Variants in PCNP observed in about 807,000 individuals in gnomAD.
PCNP encodes PEST proteolytic signal-containing nuclear protein.
PCNP carries 6 observed loss-of-function variants against 21.8 expected under a neutral mutation model. That is an observed-to-expected ratio of 0.28 (90% CI 0.15 to 0.54). The LOEUF (loss-of-function observed/expected upper bound fraction) is 0.54, where lower values mean the gene tolerates loss of function less well. Among genes scored for constraint, PCNP ranks in the 20% least tolerant of loss-of-function variants. The pLI, the probability that PCNP is intolerant of heterozygous loss-of-function variation, is 0.95. For synonymous variants in PCNP, 67 were observed against 73.2 expected (o/e 0.92, Z 0.43); for missense variants, 161 against 215.5 (o/e 0.75, Z 1.58).
chr3:101,575,496 C>A (rs1167300065), intron 1 of PCNP, among the ~76,000 whole-genome samples: 2 of 146,050 alleles, frequency 1.4e-5, no homozygotes, highest in Non-Finnish European at 3.0e-5. Flanking sequence ...TTTTTTATAA[C>A]TAGTAAAATA....
intron 4 of PCNP, among the ~76,000 whole-genome samples, chr3:101,592,140 GTTTT>G (rs1273332810): frequency 6.6e-6 from 1 of 151,218 alleles, no homozygotes; most frequent in Non-Finnish European, 1.5e-5. Context: ...AGTGTTTTTT[GTTTT>G]TTGTTTTTTT....
rs2108296286 is a variant in PCNP at position 101,593,208 on chromosome 3, C to G, written c.*455C>G. On this transcript the variant is annotated 3_prime_UTR_variant, in exon 5 of 5. Transcript: ENST00000265260. Reference sequence around the variant, plus strand: ...GTATTGGGAAGAAAATGTTACTGAACTATTGACTGAAAGTAAATTTAGATA... The same window carrying G: ...GTATTGGGAAGAAAATGTTACTGAAGTATTGACTGAAAGTAAATTTAGATA... The G allele has an allele frequency of 6.5e-6, 1 of 152,776 alleles. No individual in the cohort carries two copies. Among genetic ancestry groups the G allele is most frequent in the Admixed American group, 6.5e-5 (1 of 15,288 alleles). 9.5% of individuals were successfully genotyped at this position (152,776 alleles called of 1,614,324 possible).
intron 2 of PCNP, among the ~76,000 whole-genome samples, chr3:101,581,046 A>G (rs933823120): frequency 6.6e-6 from 1 of 152,234 alleles, no homozygotes; most frequent in Non-Finnish European, 1.5e-5. Context: ...GGTCTGGAGC[A>G]GTCAGTATAT....
intron 2 of PCNP, among the ~76,000 whole-genome samples, chr3:101,584,759 T>A (rs923423078): frequency 1.3e-5 from 2 of 152,030 alleles, no homozygotes; most frequent in African/African-American, 4.8e-5. Flanking sequence ...AGAGAGCACC[T>A]TGGGAGGCTG....
intron 2 of PCNP, among the ~76,000 whole-genome samples, chr3:101,580,237 T>C (rs1487932714): frequency 6.6e-6 from 1 of 152,136 alleles, no homozygotes; most frequent in Non-Finnish European, 1.5e-5. Flanking sequence ...ACAACTATTA[T>C]AGGGAATATG....
chr3:101,590,952 G>A (rs114687088), intron 4 of PCNP, among the ~76,000 whole-genome samples: 8,697 of 150,674 alleles, frequency 0.058, 287 homozygotes, highest in Middle Eastern at 0.13. Flanking sequence ...AAAAAAATTT[G>A]TAAGTAGAGA....
intron 4 of PCNP, 86 bp from the exon 5 acceptor site, chr3:101,592,541 A>T: frequency 1.8e-6 from 2 of 1,110,080 alleles, no homozygotes; most frequent in South Asian, 1.6e-5. Flanking sequence ...AATAGGTGCT[A>T]AACAAACATG....
At chr3:101,587,364 G>A (rs57768297) in intron 3 of PCNP, among the ~76,000 whole-genome samples, 3,333 of 152,022 alleles carry the variant, frequency 0.022, 120 homozygotes, top group African/African-American at 0.077. Flanking sequence ...GGAATTTTGA[G>A]CAAGGGTAAA....
intron 2 of PCNP, 64 bp downstream of exon 2, chr3:101,580,068 C>T (rs149859903): frequency 5.2e-6 from 6 of 1,158,266 alleles, no homozygotes; most frequent in Admixed American, 1.7e-5. Flanking sequence ...GGAAACGTGG[C>T]GTTTACTAGG....
chr3:101,590,766 C>A (rs1337715635), intron 4 of PCNP, among the ~76,000 whole-genome samples: 1 of 152,078 alleles, frequency 6.6e-6, no homozygotes, highest in Admixed American at 6.6e-5. Flanking sequence ...CCAGGCTGGT[C>A]TGTAACTCCT....
intron 1 of PCNP, chr3:101,579,493 C>A: frequency 1.9e-6 from 1 of 524,688 alleles, no homozygotes; most frequent in Non-Finnish European, 3.6e-6. Context: ...CACAAATAAC[C>A]AGATTATTGT....
chr3:101,588,445 G>C lies in PCNP; in HGVS notation c.355-1770G>C, dbSNP rs190347810. 2.6e-5 allele frequency among the ~76,000 whole-genome samples: 4 copies of C among 151,210 alleles called. No individual in the cohort carries two copies. In the East Asian group the frequency reaches 7.7e-4, roughly 29 times the overall value. On this transcript the variant is annotated intron_variant, in intron 3 of 4. Coordinates refer to ENST00000265260, the MANE Select transcript of PCNP (RefSeq NM_020357.3). ...ACATTCTTTCTCCTATAATATAACA[G>C]TAATAAAGGATAAACTGTCTCATAG...
At chr3:101,577,420 C>T (rs1264897574) in intron 1 of PCNP, among the ~76,000 whole-genome samples, 1 of 152,222 alleles carries the variant, frequency 6.6e-6, no homozygotes. Flanking sequence ...CACACCTCTG[C>T]ATACTAGAGA....
At chr3:101,579,099 GA>G (rs1233468839) in intron 1 of PCNP, among the ~76,000 whole-genome samples, 1 of 150,844 alleles carries the variant, frequency 6.6e-6, no homozygotes, top group East Asian at 1.9e-4. Context: ...CATCTTTCAT[GA>G]AAAAAACTAA....
intron 3 of PCNP, among the ~76,000 whole-genome samples, chr3:101,588,442 A>G (rs1246415655): frequency 6.6e-6 from 1 of 151,544 alleles, no homozygotes; most frequent in African/African-American, 2.4e-5. Context: ...CTATAATATA[A>G]CAGTAATAAA....
intron 2 of PCNP, among the ~76,000 whole-genome samples, chr3:101,581,583 G>A (rs1935222309): frequency 6.6e-6 from 1 of 151,418 alleles, no homozygotes; most frequent in South Asian, 2.1e-4. Flanking sequence ...ACAGGTGCAC[G>A]CCACCACGTC....
At chr3:101,583,409 G>A (rs930811842) in intron 2 of PCNP, among the ~76,000 whole-genome samples, 2 of 152,114 alleles carry the variant, frequency 1.3e-5, no homozygotes, top group Non-Finnish European at 1.5e-5. Context: ...AGCTGAGATC[G>A]TGACATTGCA....
rs1935145991 is a variant in PCNP at position 101,580,098 on chromosome 3, A to G, written c.279+94A>G. 46 of 845,828 alleles carry G rather than the reference A, an allele frequency of 5.4e-5. 1 individual carries two copies. The South Asian group carries it at 6.7e-4, about 12-fold the overall frequency. 52.4% of individuals were successfully genotyped at this position (845,828 alleles called of 1,614,324 possible). The stretch of plus-strand genomic sequence containing the variant: ...ACTAGGTTATGGTAAATTAAGGGTG[A>G]AAAGGTACATTGTTTGAGAAGTAAT... On this transcript the variant is annotated intron_variant, in intron 2 of 4. Coordinates refer to ENST00000265260, the MANE Select transcript of PCNP (RefSeq NM_020357.3).
intron 1 of PCNP, among the ~76,000 whole-genome samples, chr3:101,575,177 C>T (rs1046866077): frequency 2.6e-5 from 4 of 152,172 alleles, no homozygotes; most frequent in East Asian, 1.9e-4. Flanking sequence ...TGACTTAACA[C>T]GTGCGAGCTG....
Sources: gnomAD v4.1 joint callset for allele counts (sites outside exome capture counted in the v4.1 genomes callset) on GRCh38, gnomAD v4.1.1 for gene constraint, MANE v1.5 for transcripts, NCBI Gene and HGNC (gene_info 2026-07-23, HGNC 2026-07-21) for gene names.